Variants in CENPP observed in about 807,000 individuals in gnomAD.
CENPP encodes the protein centromere protein P.
CENPP carries 24 observed loss-of-function variants against 35.6 expected under a neutral mutation model. The ratio of observed to expected loss-of-function variants is 0.67; its 90% confidence interval spans 0.49 to 0.95. The LOEUF is 0.95. Ranked by LOEUF, CENPP falls within the 40% of genes least tolerant of loss-of-function variation. CENPP has a pLI of 0.00. For missense variants in CENPP, 332 were observed against 345.3 expected (o/e 0.96, Z 0.31); for synonymous variants, 120 against 125.5 (o/e 0.96, Z 0.29).
At chr9:92,538,524 A>C (rs1311741980) in intron 5 of CENPP, among the ~76,000 whole-genome samples, 1 of 152,266 alleles carries the variant, frequency 6.6e-6, no homozygotes, top group Non-Finnish European at 1.5e-5. Flanking sequence ...TAACTCTTAA[A>C]GTAACAGCAC....
chr9:92,501,238 C>T (rs1441949832), intron 5 of CENPP, among the ~76,000 whole-genome samples: 1 of 152,156 alleles, frequency 6.6e-6, no homozygotes, highest in Non-Finnish European at 1.5e-5. Flanking sequence ...AGCTGCATGT[C>T]CTTACCAGGG....
At chr9:92,382,901 T>C (rs866674112) in intron 5 of CENPP, among the ~76,000 whole-genome samples, 144 of 143,204 alleles carry the variant, frequency 1.0e-3, no homozygotes, top group African/African-American at 3.4e-3. Context: ...CCTTTTTTTT[T>C]TTTTTTTTTT....
At chr9:92,367,415 C>A (rs932518708) in intron 4 of CENPP, among the ~76,000 whole-genome samples, 1 of 152,100 alleles carries the variant, frequency 6.6e-6, no homozygotes, top group Non-Finnish European at 1.5e-5. Flanking sequence ...GATCTGTCCA[C>A]CTCAGCCTCG....
chr9:92,375,204 A>G (rs1169609661), intron 4 of CENPP, among the ~76,000 whole-genome samples: 1 of 151,856 alleles, frequency 6.6e-6, no homozygotes, highest in Non-Finnish European at 1.5e-5. Context: ...GTGTCCCACA[A>G]GTCTCTTAGG....
intron 5 of CENPP, among the ~76,000 whole-genome samples, chr9:92,568,842 T>G (rs1850062259): frequency 6.6e-6 from 1 of 152,250 alleles, no homozygotes. Flanking sequence ...CCAGTGATGA[T>G]GAGCATTTTT....
chr9:92,352,679 G>A (rs2130817678), intron 4 of CENPP, among the ~76,000 whole-genome samples: 1 of 151,068 alleles, frequency 6.6e-6, no homozygotes, highest in Non-Finnish European at 1.5e-5. Flanking sequence ...AGGACAGGAA[G>A]CATCCACCAC....
At chr9:92,514,368 G>A (rs191220426) in intron 5 of CENPP, among the ~76,000 whole-genome samples, 1 of 150,762 alleles carries the variant, frequency 6.6e-6, no homozygotes, top group African/African-American at 2.4e-5. Flanking sequence ...TCCGCCTCCT[G>A]GATTCAAACG....
intron 5 of CENPP, among the ~76,000 whole-genome samples, chr9:92,508,618 T>A (rs942258320): frequency 6.6e-6 from 1 of 152,236 alleles, no homozygotes; most frequent in Non-Finnish European, 1.5e-5. Context: ...AATTTTCTAA[T>A]GTCTTTCCCA....
At chr9:92,605,654 G>A (rs1009238310) in intron 5 of CENPP, among the ~76,000 whole-genome samples, 1 of 152,054 alleles carries the variant, frequency 6.6e-6, no homozygotes, top group South Asian at 2.1e-4. Context: ...AACTCAAAAT[G>A]GATCAAAGAC....
intron 5 of CENPP, chr9:92,514,869 C>T (rs754052269): frequency 1.2e-6 from 2 of 1,613,140 alleles, no homozygotes; most frequent in African/African-American, 1.3e-5. Flanking sequence ...CCTCATCCTC[C>T]TCCTCCTCCC....
At chr9:92,539,383 A>C (rs1465564212) in intron 5 of CENPP, among the ~76,000 whole-genome samples, 2 of 128,574 alleles carry the variant, frequency 1.6e-5, no homozygotes, top group East Asian at 5.3e-4. Flanking sequence ...CTGTGGAAGA[A>C]GTAGATTGAA....
At chr9:92,574,475 T>A (rs1263754159) in intron 5 of CENPP, among the ~76,000 whole-genome samples, 1 of 152,168 alleles carries the variant, frequency 6.6e-6, no homozygotes, top group Admixed American at 6.6e-5. Context: ...AAAACAATTT[T>A]GTTACAATAG....
At chr9:92,452,129 C>T (rs1282459726) in intron 5 of CENPP, among the ~76,000 whole-genome samples, 8 of 150,400 alleles carry the variant, frequency 5.3e-5, no homozygotes, top group African/African-American at 1.2e-4. Flanking sequence ...GAACTTCCAA[C>T]ACTATGTTGA....
chr9:92,401,320 A>T (rs142302539), intron 5 of CENPP: 4 of 509,858 alleles, frequency 7.8e-6, no homozygotes, highest in African/African-American at 2.0e-5. Context: ...TTTCATACAT[A>T]TTTCCATTTT....
At chr9:92,492,413 C>T (rs1173257680) in intron 5 of CENPP, among the ~76,000 whole-genome samples, 3 of 152,074 alleles carry the variant, frequency 2.0e-5, no homozygotes, top group African/African-American at 4.8e-5. Context: ...TGGAGGTGTC[C>T]GTGACAACTA....
At chr9:92,505,703 A>G (rs759590639) in intron 5 of CENPP, 1 of 1,549,198 alleles carries the variant, frequency 6.5e-7, no homozygotes, top group Admixed American at 2.2e-5. Context: ...ATAAAAAATA[A>G]AAGTATTAGA....
At chr9:92,427,459 G>A (rs1236603044) in intron 5 of CENPP, among the ~76,000 whole-genome samples, 3 of 140,704 alleles carry the variant, frequency 2.1e-5, no homozygotes, top group South Asian at 4.6e-4. Context: ...CACCGCAGCT[G>A]GCTATTAATC....
rs748491263 is a variant in CENPP at position 92,611,380 on chromosome 9, G to A, written c.631G>A (p.Ala211Thr). 1.1e-5 allele frequency: 18 copies of A among 1,612,758 alleles called. No homozygotes were observed. The highest frequency in any genetic ancestry group is 6.7e-5 in the Admixed American group (4 of 59,968). Residue 211 changes from alanine (A) to threonine (T), a missense_variant, in exon 6 of 8, where the codon GCC (alanine) becomes ACC (threonine). By Grantham distance (58) the Ala-to-Thr change is moderately conservative (BLOSUM62 0). Coordinates refer to ENST00000375587, the MANE Select transcript of CENPP (RefSeq NM_001012267.3). ...CTCCTGCTCCATGGGGATCCGCAGC[G>A]CCAGCCGGCCAGGGTGAGCCTGCAC... Reference protein sequence around the residue: ...PSSCSMGIRSASRPGFELVIV... With the variant: ...PSSCSMGIRSTSRPGFELVIV...
intron 5 of CENPP, among the ~76,000 whole-genome samples, chr9:92,446,676 G>A (rs1010392168): frequency 1.3e-4 from 20 of 152,228 alleles, no homozygotes; most frequent in African/African-American, 4.6e-4. Context: ...AACAAAGGCA[G>A]CATGTTAGCT....
Sources: gnomAD v4.1 joint callset for allele counts (sites outside exome capture counted in the v4.1 genomes callset) on GRCh38, gnomAD v4.1.1 for gene constraint, MANE v1.5 for transcripts, NCBI Gene and HGNC (gene_info 2026-07-23, HGNC 2026-07-21) for gene names.